PCDHA3: variants seen among roughly 807,000 people sequenced by gnomAD.
The protein encoded by PCDHA3 is protocadherin alpha-3.
Under a neutral mutation model 62.2 loss-of-function variants are expected in PCDHA3, and 41 were observed. That is an observed-to-expected ratio of 0.66 (90% CI 0.51 to 0.86). PCDHA3 has a LOEUF of 0.86. PCDHA3 is among the 40% of genes least tolerant of loss of function. The pLI is 0.00. For synonymous variants in PCDHA3, 640 were observed against 555.4 expected (o/e 1.15, Z -2.14); for missense variants, 1,304 against 1,241.2 (o/e 1.05, Z -0.76).
At chr5:140,883,387 T>C in intron 1 of PCDHA3, 1 of 1,614,150 alleles carries the variant, frequency 6.2e-7, no homozygotes, top group Non-Finnish European at 8.5e-7. Flanking sequence ...CCCTAATCAG[T>C]GTGTCCGATC....
chr5:140,945,998 A>G (rs246057), intron 1 of PCDHA3, among the ~76,000 whole-genome samples: 85,388 of 151,608 alleles, frequency 0.56, 24,621 homozygotes, highest in African/African-American at 0.69. Context: ...GATTGCATCA[A>G]ACTAAAAAGC....
intron 1 of PCDHA3, chr5:140,857,941 T>C (rs1294613928): frequency 6.3e-7 from 1 of 1,597,330 alleles, no homozygotes; most frequent in Non-Finnish European, 8.6e-7. Flanking sequence ...GCGAGATCAG[T>C]ACGACGCGCG....
intron 1 of PCDHA3, 75 bp downstream of exon 1, chr5:140,803,666 AC>A: frequency 6.2e-7 from 1 of 1,603,076 alleles, no homozygotes; most frequent in Non-Finnish European, 8.5e-7. Flanking sequence ...CTCTGGAAAT[AC>A]ATTAATAGTT....
intron 1 of PCDHA3, among the ~76,000 whole-genome samples, chr5:140,919,122 T>G (rs879989359): frequency 6.6e-6 from 1 of 152,224 alleles, no homozygotes; most frequent in African/African-American, 2.4e-5. Context: ...AGTTTTTGCT[T>G]CATGTGTTTT....
At chr5:140,858,018 C>T in intron 1 of PCDHA3, 1 of 1,596,908 alleles carries the variant, frequency 6.3e-7, no homozygotes, top group Non-Finnish European at 8.6e-7. Context: ...GGCGAGCCGT[C>T]GCTGACGGCC....
rs782553261 is a variant in PCDHA3, at chr5:140,802,902, C to G, written c.1705C>G (p.Arg569Gly). The change falls in exon 1 of 4, where the codon CGG becomes GGG. Residue 569 changes from arginine (R) to glycine (G), a missense_variant. Arg to Gly is a moderately radical substitution (Grantham distance 125, BLOSUM62 -2). Coordinates refer to ENST00000522353, the MANE Select transcript of PCDHA3 (RefSeq NM_018906.3). The stretch of plus-strand genomic sequence containing the variant: ...CAACGCGCCGGCACTGCTGATGCCT[C>G]GGGTGGGTGGCATCGGTGGCGCAGT... Reference protein sequence around the residue: ...NDNAPALLMPRVGGIGGAVSE... With the variant: ...NDNAPALLMPGVGGIGGAVSE... 6.2e-7 allele frequency: 1 copy of G among 1,613,772 alleles called. No homozygotes were observed. The highest frequency in any genetic ancestry group is 1.1e-5 in the South Asian group (1 of 91,076).
intron 3 of PCDHA3, among the ~76,000 whole-genome samples, chr5:141,007,525 G>C (rs782132903): frequency 1.3e-4 from 19 of 151,814 alleles, no homozygotes; most frequent in Non-Finnish European, 2.5e-4. Context: ...CTGATATCTC[G>C]CCACTGCACT....
At chr5:140,812,399 G>A (rs1554125980) in intron 1 of PCDHA3, 1 of 151,810 alleles carries the variant, frequency 6.6e-6, no homozygotes, top group African/African-American at 2.4e-5. Flanking sequence ...TAGCTAAGGG[G>A]CTTGTCAGTT....
chr5:140,953,564 GC>G (rs543933826), intron 1 of PCDHA3, among the ~76,000 whole-genome samples: 356 of 152,176 alleles, frequency 2.3e-3, no homozygotes, highest in African/African-American at 7.9e-3. Context: ...AAGTTTTAGT[GC>G]CCTCCTCTCC....
At chr5:140,887,612 G>A (rs2061514716) in intron 1 of PCDHA3, among the ~76,000 whole-genome samples, 1 of 151,760 alleles carries the variant, frequency 6.6e-6, no homozygotes, top group East Asian at 1.9e-4. Flanking sequence ...GCTTTAGTAT[G>A]GTTTTCTTTA....
intron 1 of PCDHA3, chr5:140,870,818 C>A: frequency 6.2e-7 from 1 of 1,613,692 alleles, no homozygotes; most frequent in Non-Finnish European, 8.5e-7. Context: ...GCTGGCAGCG[C>A]GGGAGGCGCA....
At chr5:140,862,748 C>T in intron 1 of PCDHA3, 1 of 577,560 alleles carries the variant, frequency 1.7e-6, no homozygotes, top group Non-Finnish European at 3.3e-6. Flanking sequence ...TGGGTGCACG[C>T]GGAGAGCGGC....
intron 3 of PCDHA3, among the ~76,000 whole-genome samples, chr5:140,993,092 G>A (rs1441562927): frequency 6.6e-6 from 1 of 152,222 alleles, no homozygotes; most frequent in East Asian, 1.9e-4. Flanking sequence ...GCAGGGCTAT[G>A]TTTATTCAGC....
At chr5:140,981,630 A>G (rs1299640748) in intron 2 of PCDHA3, among the ~76,000 whole-genome samples, 1 of 152,110 alleles carries the variant, frequency 6.6e-6, no homozygotes, top group East Asian at 1.9e-4. Flanking sequence ...GTTTTCTTGG[A>G]CATTTTCTCT....
intron 1 of PCDHA3, among the ~76,000 whole-genome samples, chr5:140,838,091 T>C (rs1775528096): frequency 7.2e-6 from 1 of 139,480 alleles, no homozygotes; most frequent in East Asian, 2.0e-4. Context: ...TGTGTGTGTG[T>C]GTGTGTGTGT....
chr5:140,825,846 T>C (rs1768735970), intron 1 of PCDHA3: 1 of 152,436 alleles, frequency 6.6e-6, no homozygotes, highest in Non-Finnish European at 1.5e-5. Flanking sequence ...TATACCATGA[T>C]ACAAACTCCC....
In PCDHA3 at chr5:140,837,849, AT is replaced by A. The variant is rs2150280154; in HGVS notation, c.2394+34262del. On this transcript the variant is annotated intron_variant, in intron 1 of 3. Coordinates refer to ENST00000522353, the MANE Select transcript of PCDHA3 (RefSeq NM_018906.3). The stretch of plus-strand genomic sequence containing the variant: ...CATGTCATTGTGCCTGGCTAATTTT[AT>A]TTTATTTTTGTAGAGACAGGGTGGA... Among the ~76,000 whole-genome samples the A allele has an allele frequency of 1.1e-3, 172 of 150,974 alleles. 2 individuals are homozygous for A. Among genetic ancestry groups the A allele is most frequent in the African/African-American group, 4.1e-3 (169 of 41,040 alleles).
chr5:140,808,304 A>T, intron 1 of PCDHA3: 1 of 1,614,268 alleles, frequency 6.2e-7, no homozygotes, highest in Non-Finnish European at 8.5e-7. Context: ...CGCCCTGATC[A>T]GCGTGTCCGA....
chr5:140,838,117 TGTG>T (rs1554136891), intron 1 of PCDHA3, among the ~76,000 whole-genome samples: 5 of 149,868 alleles, frequency 3.3e-5, no homozygotes, highest in Non-Finnish European at 7.4e-5. Flanking sequence ...TGTGTGTGTG[TGTG>T]TGTGTGTGTG....
Sources: gnomAD v4.1 joint callset for allele counts (sites outside exome capture counted in the v4.1 genomes callset) on GRCh38, gnomAD v4.1.1 for gene constraint, MANE v1.5 for transcripts, NCBI Gene and HGNC (gene_info 2026-07-23, HGNC 2026-07-21) for gene names.